Variants in XXYLT1 observed in about 807,000 individuals in gnomAD.
The protein encoded by XXYLT1 is xyloside xylosyltransferase 1, also known as UDP-xylose:alpha-xyloside alpha-1,3-xylosyltransferase.
A neutral mutation model predicts 28.9 loss-of-function variants in XXYLT1; 20 were observed. The observed-to-expected ratio is 0.69, with a 90% confidence interval of 0.49 to 1.00. The LOEUF (loss-of-function observed/expected upper bound fraction) is 1.00. Ranked by LOEUF, XXYLT1 falls within the 50% of genes least tolerant of loss-of-function variation. XXYLT1 has a pLI of 0.00. For synonymous variants in XXYLT1, 257 were observed against 253.8 expected, an observed-to-expected ratio of 1.01 and a Z score of -0.12; for missense variants, 542 against 560.1, an observed-to-expected ratio of 0.97 and a Z score of 0.33.
intron 2 of XXYLT1, among the ~76,000 whole-genome samples, chr3:195,161,276 A>G (rs1158808151): frequency 6.6e-6 from 1 of 152,210 alleles, no homozygotes; most frequent in Non-Finnish European, 1.5e-5. Context: ...CAGGGTGGAG[A>G]GCAATTACAG....
At chr3:195,259,620 T>G in intron 1 of XXYLT1, 1 of 985,442 alleles carries the variant, frequency 1.0e-6, no homozygotes, top group Non-Finnish European at 1.2e-6. Context: ...GACAGTCGCG[T>G]GCGACAGGCC....
intron 3 of XXYLT1, among the ~76,000 whole-genome samples, chr3:195,134,887 G>T (rs1472363683): frequency 7.4e-5 from 11 of 148,620 alleles, no homozygotes; most frequent in African/African-American, 2.0e-4. Flanking sequence ...GCGCGTGCGC[G>T]CACGTGCAAA....
At chr3:195,204,476 ACTCTCT>A (rs61196221) in intron 2 of XXYLT1, among the ~76,000 whole-genome samples, 71 of 125,960 alleles carry the variant, frequency 5.6e-4, no homozygotes, top group Admixed American at 1.7e-3. Context: ...TCACTCTCTC[ACTCTCT>A]CTCTCTCTCT....
chr3:195,217,643 A>T (rs1344638134), intron 2 of XXYLT1, among the ~76,000 whole-genome samples: 12 of 147,070 alleles, frequency 8.2e-5, no homozygotes, highest in South Asian at 6.8e-4. Flanking sequence ...ACTACAAACC[A>T]CTGCTCAAGG....
chr3:195,106,501 T>TG (rs1717097906), intron 3 of XXYLT1, among the ~76,000 whole-genome samples: 2 of 152,354 alleles, frequency 1.3e-5, no homozygotes, highest in South Asian at 4.1e-4. Flanking sequence ...CCGGGCTCGC[T>TG]GGAACCTTCC....
At chr3:195,239,352 G>A (rs1724685134) in intron 1 of XXYLT1, among the ~76,000 whole-genome samples, 1 of 152,156 alleles carries the variant, frequency 6.6e-6, no homozygotes, top group East Asian at 1.9e-4. Flanking sequence ...AGCAAAGCAA[G>A]AGTGAAGAGA....
intron 2 of XXYLT1, among the ~76,000 whole-genome samples, chr3:195,185,085 A>AGAAAGAAAGGAAG (rs1434255998): frequency 9.9e-6 from 1 of 100,938 alleles, no homozygotes; most frequent in Non-Finnish European, 1.9e-5. Flanking sequence ...GAAAGAAGGA[A>AGAAAGAAAGGAAG]GAAGGAAGGA....
intron 1 of XXYLT1, among the ~76,000 whole-genome samples, chr3:195,239,628 C>T (rs573423973): frequency 3.9e-5 from 6 of 152,314 alleles, no homozygotes; most frequent in African/African-American, 1.4e-4. Flanking sequence ...CATACACATA[C>T]TTAAAAATCC....
intron 1 of XXYLT1, among the ~76,000 whole-genome samples, chr3:195,267,695 T>C (rs1318737702): frequency 6.6e-6 from 1 of 152,184 alleles, no homozygotes; most frequent in African/African-American, 2.4e-5. Flanking sequence ...ACAACTGTGA[T>C]AAATGTTACT....
intron 3 of XXYLT1, among the ~76,000 whole-genome samples, chr3:195,084,629 C>A (rs893093003): frequency 1.3e-5 from 2 of 152,196 alleles, no homozygotes; most frequent in African/African-American, 4.8e-5. Flanking sequence ...CTTAGGTCAG[C>A]CCTTGCAGCC....
intron 3 of XXYLT1, among the ~76,000 whole-genome samples, chr3:195,117,807 G>GT (rs1718127210): frequency 6.6e-6 from 1 of 152,306 alleles, no homozygotes; most frequent in South Asian, 2.1e-4. Context: ...GCCAATAAGT[G>GT]TAAAGGTCAG....
chr3:195,253,339 A>G (rs1165503538), intron 1 of XXYLT1, among the ~76,000 whole-genome samples: 1 of 152,160 alleles, frequency 6.6e-6, no homozygotes, highest in African/African-American at 2.4e-5. Context: ...AGAAATCAGG[A>G]GGCGAAGCGG....
intron 3 of XXYLT1, among the ~76,000 whole-genome samples, chr3:195,087,830 G>A (rs982159895): frequency 1.6e-4 from 24 of 152,164 alleles, no homozygotes; most frequent in East Asian, 3.9e-4. Context: ...TGCGCGCACC[G>A]TGCGCGAGCC....
chr3:195,190,421 G>GGAGGCACAGGTTGCAGT (rs1227108855), intron 2 of XXYLT1, among the ~76,000 whole-genome samples: 27 of 149,838 alleles, frequency 1.8e-4, no homozygotes, highest in Non-Finnish European at 3.4e-4. Flanking sequence ...CTTGAACCCA[G>GGAGGCACAGGTTGCAGT]GAGGCACAGG....
At chr3:195,172,690 T>A (rs1254715802) in intron 2 of XXYLT1, among the ~76,000 whole-genome samples, 2 of 151,658 alleles carry the variant, frequency 1.3e-5, no homozygotes, top group East Asian at 3.9e-4. Flanking sequence ...TCGGAGAAAA[T>A]AAAATAGGGT....
chr3:195,198,029 T>A (rs987364549), intron 2 of XXYLT1, among the ~76,000 whole-genome samples: 3 of 152,204 alleles, frequency 2.0e-5, no homozygotes, highest in Non-Finnish European at 4.4e-5. Context: ...CCCCTATCCA[T>A]GAAATCGGAC....
chr3:195,248,877 G>A (rs933856174), intron 1 of XXYLT1, among the ~76,000 whole-genome samples: 2 of 152,128 alleles, frequency 1.3e-5, no homozygotes, highest in Non-Finnish European at 2.9e-5. Flanking sequence ...CCAAGATTGC[G>A]CCACTGTACT....
rs577004666 is a variant in XXYLT1 at position 195,240,560 on chromosome 3, C to T, written c.505-13704G>A. On this transcript the variant is annotated intron_variant, in intron 1 of 3. Coordinates refer to ENST00000310380, the MANE Select transcript of XXYLT1 (RefSeq NM_152531.5). This position sits in a 1 kb window ranked among gnomAD's most constrained non-coding sequence, Gnocchi z 4.7. ...ACGTGGCAAGGGCTGGCCCCACGCA[C>T]GGAAAGATGCCAGGTTTCCCGGAAA... is the stretch of plus-strand genomic sequence containing the variant. Among the ~76,000 whole-genome samples the T allele has an allele frequency of 1.3e-3, 202 of 152,378 alleles. No homozygotes were observed. The highest frequency in any genetic ancestry group is 2.2e-3 in the Non-Finnish European group (150 of 68,040).
At chr3:195,221,616 G>A (rs918214389) in intron 2 of XXYLT1, among the ~76,000 whole-genome samples, 3 of 152,174 alleles carry the variant, frequency 2.0e-5, no homozygotes, top group South Asian at 2.1e-4. Context: ...CAGAGCATGC[G>A]CCCTAGCACA....
Sources: allele counts gnomAD v4.1 joint callset (sites outside exome capture counted in the v4.1 genomes callset), GRCh38; gene constraint gnomAD v4.1.1; non-coding constraint Gnocchi (gnomAD v3.1); transcripts MANE v1.5; gene names NCBI Gene and HGNC (gene_info 2026-07-23, HGNC 2026-07-21).